MRPL39: variants seen among roughly 807,000 people sequenced by gnomAD.
MRPL39 encodes the protein large ribosomal subunit protein mL39.
MRPL39 carries 35 observed loss-of-function variants against 44.5 expected under a neutral mutation model. That is an observed-to-expected ratio of 0.79 (90% CI 0.60 to 1.04). MRPL39 has a LOEUF of 1.04. MRPL39 is among the 50% of genes least tolerant of loss of function. The pLI is 0.00. For synonymous variants in MRPL39, 139 were observed against 136.1 expected (o/e 1.02, Z -0.15); for missense variants, 433 against 413.5 (o/e 1.05, Z -0.41).
chr21:25,598,172 A>G (rs368043599), intron 5 of MRPL39, among the ~76,000 whole-genome samples: 4 of 152,212 alleles, frequency 2.6e-5, no homozygotes, highest in African/African-American at 9.6e-5. Context: ...AAAAAAATCA[A>G]CATTCATGGT....
intron 5 of MRPL39, among the ~76,000 whole-genome samples, chr21:25,597,884 C>A (rs1367863090): frequency 6.6e-6 from 1 of 152,050 alleles, no homozygotes; most frequent in East Asian, 1.9e-4. Flanking sequence ...TCATCACCCA[C>A]CCTGTGCAAA....
intron 5 of MRPL39, among the ~76,000 whole-genome samples, chr21:25,598,178 A>G (rs1399354100): frequency 1.3e-5 from 2 of 152,186 alleles, no homozygotes; most frequent in African/African-American, 4.8e-5. Context: ...ATCAACATTC[A>G]TGGTTTAATA....
chr21:25,587,108 A>C (rs1172857469), intron 9 of MRPL39, among the ~76,000 whole-genome samples: 1 of 152,236 alleles, frequency 6.6e-6, no homozygotes, highest in Non-Finnish European at 1.5e-5. Context: ...GTTTGAAAAA[A>C]TATGTATTGA....
intron 5 of MRPL39, 63 bp downstream of exon 5, chr21:25,599,736 G>A (rs1438332365): frequency 4.5e-6 from 6 of 1,323,244 alleles, no homozygotes; most frequent in Non-Finnish European, 5.4e-6. Flanking sequence ...TACTAACATA[G>A]GAATCATTCT....
At chr21:25,587,668 A>C (rs766544445) in intron 9 of MRPL39, 26 of 1,474,232 alleles carry the variant, frequency 1.8e-5, no homozygotes, top group African/African-American at 2.8e-5. Context: ...ATCAAGCACA[A>C]ACTTATATGA....
At chr21:25,588,789 G>A in intron 9 of MRPL39, 46 bp downstream of exon 9, 1 of 1,518,520 alleles carries the variant, frequency 6.6e-7, no homozygotes, top group Non-Finnish European at 9.0e-7. Flanking sequence ...TAATTTTGAT[G>A]AATTTCTTTA....
intron 3 of MRPL39, among the ~76,000 whole-genome samples, chr21:25,603,543 GTGAT>G (rs1270589696): frequency 6.6e-6 from 1 of 152,118 alleles, no homozygotes; most frequent in African/African-American, 2.4e-5. Context: ...AATATAGAGA[GTGAT>G]TAATGAATGT....
Position 25,607,451 on chromosome 21 carries a change from G to C in MRPL39, c.25C>G (p.Arg9Gly), listed in dbSNP as rs747586864. 1.9e-6 allele frequency: 3 copies of C among 1,612,768 alleles called. No individual in the cohort carries two copies. Among genetic ancestry groups the C allele is most frequent in the South Asian group, 2.2e-5 (2 of 91,072 alleles). Residue 9 changes from arginine to glycine, a missense_variant, in exon 1 of 10, where the codon CGG becomes GGG. Transcript: ENST00000352957. MEALAMGS[R>G]ALRLWLVAPG... ...GCGACCAGCCAGAGCCGCAGCGCCCGGGAACCCATGGCCAGCGCCTCCATA... is the reference window on the plus strand; with the variant it reads ...GCGACCAGCCAGAGCCGCAGCGCCCCGGAACCCATGGCCAGCGCCTCCATA...
chr21:25,595,346 G>T (rs2031323604), intron 6 of MRPL39, among the ~76,000 whole-genome samples: 1 of 152,032 alleles, frequency 6.6e-6, no homozygotes, highest in East Asian at 1.9e-4. Flanking sequence ...CCACAAAAAG[G>T]TCCCACCCTT....
upstream of MRPL39, chr21:25,607,531 C>G: frequency 6.4e-7 from 1 of 1,574,378 alleles, no homozygotes; most frequent in Non-Finnish European, 8.6e-7. Flanking sequence ...CCCCCGGAAA[C>G]CGAACGCGCA....
Position 25,606,569 on chromosome 21 carries a change from T to C in MRPL39, c.160A>G (p.Arg54Gly), listed in dbSNP as rs2031678240. The change falls in exon 2 of 10, where the codon AGG becomes GGG. Residue 54 changes from arginine (R) to glycine (G), a missense_variant. Physicochemically the swap from Arg to Gly is moderately radical, Grantham distance 125. Transcript: ENST00000352957. ...GTTCGGGGAGTTAATGATAACTGCCTGGCTTTCTCTTTATTAAAGAGATCA... is the reference window on the plus strand; with the variant it reads ...GTTCGGGGAGTTAATGATAACTGCCCGGCTTTCTCTTTATTAAAGAGATCA... ...RNDLFNKEKA[R>G]QLSLTPRTEK... The C allele has an allele frequency of 7.4e-6, 12 of 1,613,844 alleles. No homozygotes were observed. Among genetic ancestry groups the C allele is most frequent in the Admixed American group, 1.7e-5 (1 of 60,026 alleles).
intron 6 of MRPL39, among the ~76,000 whole-genome samples, chr21:25,594,166 AT>A (rs896761894): frequency 1.8e-4 from 27 of 151,126 alleles, no homozygotes; most frequent in African/African-American, 6.3e-4. Context: ...CCCAGTGGAC[AT>A]TTTTTGGTCC....
At chr21:25,589,090 C>T (rs565314867) in intron 8 of MRPL39, among the ~76,000 whole-genome samples, 30 of 152,080 alleles carry the variant, frequency 2.0e-4, no homozygotes, top group Non-Finnish European at 3.7e-4. Context: ...CGCATGAACC[C>T]GGGAGGCAGA....
In MRPL39 at chr21:25,588,820, G is replaced by A. The variant is rs1338592320; in HGVS notation, c.969+15C>T. 6.2e-7 allele frequency: 1 copy of A among 1,606,870 alleles called. No individual in the cohort carries two copies. Among genetic ancestry groups the A allele is most frequent in the Non-Finnish European group, 8.5e-7 (1 of 1,174,340 alleles). ...CTTTATAGAAGAGTACTCAATAGCT[G>A]TCAAAAACACTTACCATTTTCCGAG... On this transcript the variant is annotated intron_variant, in intron 9 of 9. Coordinates refer to ENST00000352957, the MANE Select transcript of MRPL39 (RefSeq NM_017446.4).
chr21:25,586,931 G>A (rs1400505854), intron 9 of MRPL39, among the ~76,000 whole-genome samples: 2 of 152,010 alleles, frequency 1.3e-5, no homozygotes, highest in African/African-American at 4.8e-5. Context: ...ACTTCCCTGA[G>A]GCAGCAAGTA....
At chr21:25,600,714 AT>A (rs1182893132) in intron 4 of MRPL39, among the ~76,000 whole-genome samples, 1 of 152,200 alleles carries the variant, frequency 6.6e-6, no homozygotes, top group Admixed American at 6.5e-5. Context: ...GTCTGGTGAA[AT>A]ATTACCACCT....
chr21:25,587,596 C>G, intron 9 of MRPL39: 2 of 965,012 alleles, frequency 2.1e-6, no homozygotes, highest in Non-Finnish European at 3.1e-6. Context: ...AAAGGCTTAA[C>G]AGACAGAAAA....
At position 25,594,245 on chromosome 21, in the gene MRPL39, T is replaced by TTTA. The variant is rs1568862212; in HGVS notation, c.702-288_702-287insTAA. Among the ~76,000 whole-genome samples, 11 of 125,430 alleles carry TTTA rather than the reference T, an allele frequency of 8.8e-5. 5 individuals carry two copies. Among genetic ancestry groups the TTTA allele is most frequent in the Non-Finnish European group, 3.4e-5 (2 of 59,310 alleles). The allele number at this position is 125,430 out of a possible 152,430, so 82.3% of individuals were successfully genotyped here. On this transcript the variant is annotated intron_variant, in intron 6 of 9. Coordinates refer to ENST00000352957, the MANE Select transcript of MRPL39 (RefSeq NM_017446.4). ...TTCTTTCTTTCCATTTTTATTTCTT[T>TTTA]GTTCTTTTTTTTTTTTTTTTTTTTG...
intron 8 of MRPL39, among the ~76,000 whole-genome samples, chr21:25,592,202 C>T (rs531622792): frequency 6.6e-6 from 1 of 152,186 alleles, no homozygotes; most frequent in South Asian, 2.1e-4. Flanking sequence ...GCTGTAAATG[C>T]GTGTGTCTAT....
Sources: gnomAD v4.1 joint callset for allele counts (sites outside exome capture counted in the v4.1 genomes callset) on GRCh38, gnomAD v4.1.1 for gene constraint, MANE v1.5 for transcripts, NCBI Gene and HGNC (gene_info 2026-07-23, HGNC 2026-07-21) for gene names.